Variants in LIMK2 observed in about 807,000 individuals in gnomAD.
LIMK2 encodes the protein LIM domain kinase 2.
In LIMK2, 35 loss-of-function variants were observed where a neutral mutation model predicts 75.7. The ratio of observed to expected loss-of-function variants is 0.46; its 90% confidence interval spans 0.35 to 0.61. The LOEUF is 0.61. Among genes scored for constraint, LIMK2 ranks in the 20% least tolerant of loss-of-function variants. The pLI, the probability that LIMK2 is intolerant of heterozygous loss-of-function variation, is 0.00. For missense variants in LIMK2, 623 were observed against 831.0 expected (o/e 0.75, Z 3.08); for synonymous variants, 301 against 319.2 (o/e 0.94, Z 0.61).
At chr22:31,266,831 T>C (rs2048901017) in intron 8 of LIMK2, among the ~76,000 whole-genome samples, 153 bp from the exon 9 acceptor site, 1 of 152,220 alleles carries the variant, frequency 6.6e-6, no homozygotes, top group Non-Finnish European at 1.5e-5. Flanking sequence ...CCCATGTTGC[T>C]CCACGCTGCA....
intron 2 of LIMK2, among the ~76,000 whole-genome samples, chr22:31,252,453 G>C (rs1193724960): frequency 6.6e-6 from 1 of 151,406 alleles, no homozygotes; most frequent in African/African-American, 2.4e-5. Flanking sequence ...GAGGCAGGAG[G>C]ATCTCTTGAG....
intron 2 of LIMK2, chr22:31,229,947 A>C (rs1435506508): frequency 6.6e-6 from 1 of 152,102 alleles, no homozygotes; most frequent in African/African-American, 2.4e-5. Flanking sequence ...AGCTGGCCAG[A>C]ATCTTTTGGA....
At chr22:31,273,404 C>T in intron 13 of LIMK2, 48 bp from the exon 14 acceptor site, 2 of 1,525,294 alleles carry the variant, frequency 1.3e-6, no homozygotes, top group Middle Eastern at 3.4e-4. Context: ...CAGTGCAGAG[C>T]AGGTAAGGGA....
At chr22:31,244,065 T>C (rs1190888082) in intron 2 of LIMK2, among the ~76,000 whole-genome samples, 1 of 152,196 alleles carries the variant, frequency 6.6e-6, no homozygotes, top group African/African-American at 2.4e-5. Flanking sequence ...TTTCATGGCA[T>C]TGAGATGTCC....
At chr22:31,271,552 C>G (rs999627629) in intron 12 of LIMK2, among the ~76,000 whole-genome samples, 1 of 152,152 alleles carries the variant, frequency 6.6e-6, no homozygotes, top group Non-Finnish European at 1.5e-5. Flanking sequence ...GTGGTGGCAC[C>G]TGAAGCCTCA....
chr22:31,253,415 G>C (rs1264720924), intron 2 of LIMK2, among the ~76,000 whole-genome samples: 1 of 152,166 alleles, frequency 6.6e-6, no homozygotes, highest in African/African-American at 2.4e-5. Context: ...GTGTGTTCTG[G>C]GTTCTTTGTT....
intron 2 of LIMK2, 93 bp from the exon 3 acceptor site, chr22:31,258,198 T>G: frequency 6.1e-6 from 8 of 1,321,354 alleles, no homozygotes; most frequent in African/African-American, 1.5e-5. Context: ...AAGAGGACTG[T>G]CCATTTTGTT....
intron 2 of LIMK2, among the ~76,000 whole-genome samples, chr22:31,249,418 A>G (rs562986414): frequency 7.5e-4 from 114 of 152,066 alleles, no homozygotes; most frequent in African/African-American, 2.6e-3. Context: ...ACACCTCCTC[A>G]GTCCCTAGGC....
chr22:31,269,062 GT>G (rs530506348), intron 11 of LIMK2, among the ~76,000 whole-genome samples: 1 of 140,196 alleles, frequency 7.1e-6, no homozygotes, highest in South Asian at 2.2e-4. Context: ...TTGTTTTTTT[GT>G]TTTTTTTTCC....
intron 11 of LIMK2, among the ~76,000 whole-genome samples, chr22:31,270,715 T>C (rs2048947942): frequency 6.6e-6 from 1 of 152,218 alleles, no homozygotes; most frequent in African/African-American, 2.4e-5. Context: ...AAGTCACTTC[T>C]CTGTTGCAGG....
At chr22:31,212,459 A>G (rs1332500000) in intron 1 of LIMK2, 35 bp downstream of exon 1, 12 of 1,316,174 alleles carry the variant, frequency 9.1e-6, no homozygotes, top group Non-Finnish European at 1.2e-5. Flanking sequence ...TCCCGCTGTT[A>G]TCTCCGAAGT....
At chr22:31,235,540 C>G (rs1008470716) in intron 2 of LIMK2, among the ~76,000 whole-genome samples, 4 of 152,078 alleles carry the variant, frequency 2.6e-5, no homozygotes, top group African/African-American at 9.7e-5. Flanking sequence ...TAGGTACCTC[C>G]GGAGAGGAGG....
At chr22:31,273,594 T>C in intron 14 of LIMK2, 87 bp downstream of exon 14, 1 of 979,048 alleles carries the variant, frequency 1.0e-6, no homozygotes, top group South Asian at 1.3e-5. Context: ...CTCCTAGGGA[T>C]GACTAGCTTG....
At chr22:31,266,263 T>G in intron 8 of LIMK2, 131 bp downstream of exon 8, 1 of 908,024 alleles carries the variant, frequency 1.1e-6, no homozygotes, top group Non-Finnish European at 1.7e-6. Flanking sequence ...GCTTTGGGTG[T>G]TGGTGTGAGA....
chr22:31,269,034 T>TTTTGTTTG (rs146064485), intron 11 of LIMK2, among the ~76,000 whole-genome samples: 9 of 150,942 alleles, frequency 6.0e-5, no homozygotes, highest in East Asian at 5.9e-4. Context: ...TTTTTGGTTT[T>TTTTGTTTG]TTTGTTTGTT....
intron 7 of LIMK2, among the ~76,000 whole-genome samples, chr22:31,264,235 A>G (rs2123846671): frequency 6.6e-6 from 1 of 152,298 alleles, no homozygotes; most frequent in South Asian, 2.1e-4. Context: ...AGGTATCTGT[A>G]GAGCCACCAT....
At chr22:31,243,113 A>G (rs1194677294) in intron 2 of LIMK2, among the ~76,000 whole-genome samples, 2 of 152,124 alleles carry the variant, frequency 1.3e-5, no homozygotes, top group Non-Finnish European at 2.9e-5. Context: ...GCAGAGATGG[A>G]GTTTCTCCAT....
chr22:31,248,651 A>G (rs1000693894), intron 2 of LIMK2: 39 of 1,613,634 alleles, frequency 2.4e-5, no homozygotes, highest in Non-Finnish European at 3.1e-5. Context: ...GTGGCCATCT[A>G]CAGCCGGCCT....
chr22:31,249,253 C>T lies in LIMK2; in HGVS notation c.117-9038C>T, dbSNP rs117442614. 2.0e-3 allele frequency among the ~76,000 whole-genome samples: 309 copies of T among 152,306 alleles called. 1 individual carries two copies. The highest frequency in any genetic ancestry group is 5.1e-3 in the Admixed American group (78 of 15,304). On this transcript the variant is annotated intron_variant, in intron 2 of 15. Coordinates refer to ENST00000331728, the MANE Select transcript of LIMK2 (RefSeq NM_005569.4). ...TGGTACACAGTAGGCACCTTATAAA[C>T]GTTTGTTCTCTTAATGGCAGGCACA...
Sources: allele counts gnomAD v4.1 joint callset (sites outside exome capture counted in the v4.1 genomes callset), GRCh38; gene constraint gnomAD v4.1.1; transcripts MANE v1.5; gene names NCBI Gene and HGNC (gene_info 2026-07-23, HGNC 2026-07-21).